Variants in INPP5A observed in about 807,000 individuals in gnomAD.
The protein encoded by INPP5A is 43 kDa inositol polyphosphate 5-phophatase.
In INPP5A, 14 loss-of-function variants were observed where a neutral mutation model predicts 65.2. That is an observed-to-expected ratio of 0.21 (90% CI 0.14 to 0.34). INPP5A has a LOEUF of 0.34. Ranked by LOEUF, INPP5A falls within the 10% of genes least tolerant of loss-of-function variation. The pLI, the probability that INPP5A is intolerant of heterozygous loss-of-function variation, is 1.00. For synonymous variants in INPP5A, 207 were observed against 208.3 expected (o/e 0.99, Z 0.05); for missense variants, 431 against 545.6 (o/e 0.79, Z 2.09).
At chr10:132,769,485 C>T (rs1846911899) in intron 12 of INPP5A, among the ~76,000 whole-genome samples, 1 of 152,216 alleles carries the variant, frequency 6.6e-6, no homozygotes, top group African/African-American at 2.4e-5. Flanking sequence ...AGGATACAGC[C>T]TCCCGAAGGC....
In INPP5A at chr10:132,688,779, CGT is replaced by C. The variant is rs199925601; in HGVS notation, c.307-1607_307-1606del. ...GTGCATGTGAGTGCACGAATGAGTT[CGT>C]GTGTGAGCAAGTGCGTGTGTGCACC... On this transcript the variant is annotated intron_variant, in intron 4 of 15. Transcript: ENST00000368594. Among the ~76,000 whole-genome samples, 140 of 149,712 alleles carry C rather than the reference CGT, an allele frequency of 9.4e-4. 2 individuals are homozygous for C. The East Asian group carries it at 0.026, about 27-fold the overall frequency.
At chr10:132,776,335 C>T (rs1012569034) in intron 12 of INPP5A, among the ~76,000 whole-genome samples, 21 of 151,966 alleles carry the variant, frequency 1.4e-4, no homozygotes, top group Non-Finnish European at 2.8e-4. Context: ...GGAGCTCCTG[C>T]GTCAGGGCAG....
chr10:132,742,384 G>A (rs938823856), intron 9 of INPP5A, among the ~76,000 whole-genome samples: 1 of 152,232 alleles, frequency 6.6e-6, no homozygotes, highest in African/African-American at 2.4e-5. Context: ...AGCAGAGAGG[G>A]GCGCTCCCAG....
intron 9 of INPP5A, among the ~76,000 whole-genome samples, chr10:132,734,633 C>T (rs1310853420): frequency 2.0e-5 from 3 of 152,236 alleles, no homozygotes; most frequent in Non-Finnish European, 4.4e-5. Context: ...GTGGGCCCAG[C>T]ACCAGGATGA....
intron 13 of INPP5A, among the ~76,000 whole-genome samples, chr10:132,778,422 A>T (rs1444466210): frequency 6.7e-6 from 1 of 149,014 alleles, no homozygotes; most frequent in African/African-American, 2.5e-5. Context: ...TCGGCCTCCC[A>T]AAGTACCCAG....
At chr10:132,684,895 A>G (rs1408244288) in intron 4 of INPP5A, among the ~76,000 whole-genome samples, 3 of 152,204 alleles carry the variant, frequency 2.0e-5, no homozygotes, top group Non-Finnish European at 4.4e-5. Flanking sequence ...TCCTCACAGC[A>G]TGCAGCTGGG....
At chr10:132,552,057 G>A (rs989865895) in intron 1 of INPP5A, among the ~76,000 whole-genome samples, 3 of 152,246 alleles carry the variant, frequency 2.0e-5, no homozygotes, top group Admixed American at 1.3e-4. Flanking sequence ...CCATTCACTC[G>A]GGAGCATTTA....
chr10:132,634,541 C>G (rs1457408023), intron 2 of INPP5A, among the ~76,000 whole-genome samples: 1 of 152,276 alleles, frequency 6.6e-6, no homozygotes, highest in Non-Finnish European at 1.5e-5. Context: ...CTGTGTCCTG[C>G]ATCTTGACTG....
At chr10:132,595,893 GT>G (rs34485149) in intron 1 of INPP5A, among the ~76,000 whole-genome samples, 2,545 of 147,840 alleles carry the variant, frequency 0.017, 39 homozygotes, top group South Asian at 0.041. Flanking sequence ...AAAGTAATGA[GT>G]TTTTTTTTTT....
At chr10:132,722,532 G>C (rs1294454916) in intron 8 of INPP5A, among the ~76,000 whole-genome samples, 1 of 152,222 alleles carries the variant, frequency 6.6e-6, no homozygotes, top group Non-Finnish European at 1.5e-5. Context: ...CTCGCGCCCG[G>C]TTCCCACTGC....
intron 4 of INPP5A, among the ~76,000 whole-genome samples, chr10:132,671,162 C>T (rs1307201216): frequency 6.6e-6 from 1 of 152,122 alleles, no homozygotes; most frequent in East Asian, 1.9e-4. Context: ...CTCCATCTGT[C>T]AGGAGTGTCC....
chr10:132,657,961 C>T (rs1039593096), intron 4 of INPP5A, among the ~76,000 whole-genome samples: 2 of 152,218 alleles, frequency 1.3e-5, no homozygotes, highest in Non-Finnish European at 2.9e-5. Context: ...ACCTGCTCCC[C>T]GGCCCCAGCA....
intron 11 of INPP5A, among the ~76,000 whole-genome samples, chr10:132,761,104 G>A (rs954648558): frequency 6.6e-6 from 1 of 152,208 alleles, no homozygotes; most frequent in Admixed American, 6.5e-5. Context: ...TTCGTGCCAC[G>A]TCTGGTTCGA....
chr10:132,752,496 G>A (rs1846506921), intron 11 of INPP5A, among the ~76,000 whole-genome samples: 2 of 145,138 alleles, frequency 1.4e-5, no homozygotes, highest in Non-Finnish European at 3.0e-5. Context: ...GAGTGGAAGG[G>A]GTGCAGTGTG....
intron 2 of INPP5A, among the ~76,000 whole-genome samples, chr10:132,625,876 GTT>G (rs1491552775): frequency 1.5e-5 from 2 of 137,030 alleles, no homozygotes; most frequent in East Asian, 2.2e-4. Context: ...GTGTGTGTGT[GTT>G]TGTGTGTGTG....
intron 3 of INPP5A, among the ~76,000 whole-genome samples, chr10:132,647,351 C>G (rs556305491): frequency 1.3e-5 from 2 of 152,236 alleles, no homozygotes; most frequent in African/African-American, 4.8e-5. Flanking sequence ...ATCTCCTGAC[C>G]TTGTGATCTG....
At chr10:132,750,938 G>A (rs1466848113) in intron 11 of INPP5A, among the ~76,000 whole-genome samples, 1 of 152,218 alleles carries the variant, frequency 6.6e-6, no homozygotes, top group Admixed American at 6.5e-5. Context: ...GGCCAGCCAG[G>A]TGTCTGTGTG....
In INPP5A at chr10:132,676,726, G is replaced by A. The variant is rs745909214; in HGVS notation, c.307-13666G>A. Among the ~76,000 whole-genome samples the A allele has an allele frequency of 6.6e-5, 10 of 152,172 alleles. No individual in the cohort carries two copies. Among genetic ancestry groups the A allele is most frequent in the South Asian group, 4.1e-4 (2 of 4,834 alleles). The stretch of plus-strand genomic sequence containing the variant: ...CAAGGTGCCACCTGCCCAAGGTTCC[G>A]TCCTAGTCCCTGACCGGCCCCTCCT... On this transcript the variant is annotated intron_variant, in intron 4 of 15. Coordinates refer to ENST00000368594, the MANE Select transcript of INPP5A (RefSeq NM_005539.5). This position sits in a 1 kb window ranked among gnomAD's most constrained non-coding sequence, Gnocchi z 4.0.
chr10:132,589,962 C>T (rs552743082), intron 1 of INPP5A, among the ~76,000 whole-genome samples: 77 of 152,320 alleles, frequency 5.1e-4, no homozygotes, highest in Non-Finnish European at 1.0e-3. Context: ...GGGAGGGCAC[C>T]GATGTGCAAT....
Sources: gnomAD v4.1 joint callset for allele counts (sites outside exome capture counted in the v4.1 genomes callset) on GRCh38, gnomAD v4.1.1 for gene constraint, Gnocchi (gnomAD v3.1) non-coding constraint, MANE v1.5 for transcripts, NCBI Gene and HGNC (gene_info 2026-07-23, HGNC 2026-07-21) for gene names.